The following RANGAP1 variants were observed in gnomAD, a reference collection of about 807,000 sequenced individuals.
RANGAP1 encodes Ran GTPase activating protein 1, also known as ran GTPase-activating protein 1.
RANGAP1 carries 38 observed loss-of-function variants against 63.5 expected under a neutral mutation model. The ratio of observed to expected loss-of-function variants is 0.60; its 90% confidence interval spans 0.46 to 0.78. The LOEUF is 0.78. RANGAP1 is among the 30% of genes least tolerant of loss of function. RANGAP1 has a pLI of 0.00. For missense variants in RANGAP1, 630 were observed against 740.3 expected, an observed-to-expected ratio of 0.85 and a Z score of 1.73; for synonymous variants, 329 against 310.5, an observed-to-expected ratio of 1.06 and a Z score of -0.63.
chr22:41,260,105 A>C lies in RANGAP1; in HGVS notation c.615+1341T>G, dbSNP rs777640042. 1.0e-3 allele frequency among the ~76,000 whole-genome samples: 156 copies of C among 151,974 alleles called. 3 individuals are homozygous for C. Among genetic ancestry groups the C allele is most frequent in the Non-Finnish European group, 3.4e-4 (23 of 68,002 alleles). On this transcript the variant is annotated intron_variant, in intron 6 of 15. Transcript: ENST00000356244. ...TAATGCTGTGAGGTTTATTGTCTACATTTATAATCAAAGGTCACACTACAT... is the reference window on the plus strand; with the variant it reads ...TAATGCTGTGAGGTTTATTGTCTACCTTTATAATCAAAGGTCACACTACAT...
upstream of RANGAP1, among the ~76,000 whole-genome samples, chr22:41,289,135 G>A (rs971791706): frequency 1.3e-5 from 2 of 151,390 alleles, no homozygotes; most frequent in Admixed American, 6.6e-5. Flanking sequence ...TGGCCAGGAT[G>A]GTCTCAAACT....
chr22:41,286,564 C>T (rs1013943106), upstream of RANGAP1, among the ~76,000 whole-genome samples: 1 of 152,254 alleles, frequency 6.6e-6, no homozygotes, highest in Non-Finnish European at 1.5e-5. Context: ...ACAGGTACTG[C>T]TGGCTGCTGG....
chr22:41,254,036 A>G (rs185581417), intron 11 of RANGAP1, among the ~76,000 whole-genome samples: 7 of 149,698 alleles, frequency 4.7e-5, no homozygotes, highest in African/African-American at 1.7e-4. Context: ...TGAACCCGGG[A>G]GGCAGAGGTT....
rs1223761591 is a variant in RANGAP1 at position 41,245,410 on chromosome 22, G to A, written c.*1193C>T. On this transcript the variant is annotated 3_prime_UTR_variant, in exon 16 of 16. Transcript: ENST00000356244. ...GCTGCAGCCCAAAGGCAGGGTGCTG[G>A]GTGAGGTGTGGCCAGGCAGGAAAAT... Among the ~76,000 whole-genome samples the A allele has an allele frequency of 6.6e-6, 1 of 152,210 alleles. No homozygotes were observed. Among genetic ancestry groups the A allele is most frequent in the Admixed American group, 6.5e-5 (1 of 15,284 alleles).
At chr22:41,268,178 A>G (rs1207911490) in intron 3 of RANGAP1, 22 bp from the exon 4 acceptor site, 1 of 1,525,518 alleles carries the variant, frequency 6.6e-7, no homozygotes, top group African/African-American at 1.4e-5. Flanking sequence ...AGAAGAGAAG[A>G]GTTAGCGGGA....
At chr22:41,267,990 C>T in intron 4 of RANGAP1, 107 bp downstream of exon 4, 3 of 1,216,482 alleles carry the variant, frequency 2.5e-6, no homozygotes, top group Non-Finnish European at 2.3e-6. Flanking sequence ...GCTCAGTCAC[C>T]CACAGGGCTA....
In RANGAP1 at chr22:41,268,166, A is replaced by G; in HGVS notation, c.241-10T>C. 6.5e-7 allele frequency: 1 copy of G among 1,544,770 alleles called. No homozygotes were observed. Among genetic ancestry groups the G allele is most frequent in the Non-Finnish European group, 8.8e-7 (1 of 1,140,108 alleles). On this transcript the variant is annotated splice_polypyrimidine_tract_variant and intron_variant, in intron 3 of 15. Coordinates refer to ENST00000356244, the MANE Select transcript of RANGAP1 (RefSeq NM_002883.4). ...CACTCCAGTGGCAGCGCTGCAACGG[A>G]AAGAAGAGAAGAGTTAGCGGGAGAG...
chr22:41,286,582 G>C (rs527681282), upstream of RANGAP1, among the ~76,000 whole-genome samples: 5 of 152,220 alleles, frequency 3.3e-5, no homozygotes, highest in African/African-American at 1.2e-4. Flanking sequence ...TGGGTCTCTT[G>C]GGCAAGACAC....
the RANGAP1 span, among the ~76,000 whole-genome samples, chr22:41,301,088 A>AT: frequency 1.2e-4 from 19 of 152,044 alleles, no homozygotes; most frequent in East Asian, 2.1e-3. Flanking sequence ...GTCATTCAAT[A>AT]TTTTTTTTAA....
rs1484561847 is a variant in RANGAP1, at chr22:41,258,020, G to T, written c.702C>A (p.Val234=). The change falls in exon 7 of 16, where the codon GTC becomes GTA. Residue 234 remains valine, a synonymous_variant. Transcript: ENST00000356244. The part of the protein sequence containing the change: ...GITALAQAFA[V]NPLLRVINLN... ...GGTTGATGACCCGCAGCAGGGGGTT[G>T]ACAGCGAAAGCCTGGGCCAGGGCAG... is the stretch of plus-strand genomic sequence containing the variant. The T allele has an allele frequency of 1.9e-5, 30 of 1,613,184 alleles. No individual in the cohort carries two copies. Among genetic ancestry groups the T allele is most frequent in the Non-Finnish European group, 2.3e-5 (27 of 1,179,580 alleles).
At chr22:41,264,597 G>T in intron 5 of RANGAP1, 67 bp downstream of exon 5, 2 of 1,526,770 alleles carry the variant, frequency 1.3e-6, no homozygotes, top group Non-Finnish European at 1.8e-6. Flanking sequence ...CCAAGGGCCA[G>T]GGCACATATG....
chr22:41,272,189 A>G (rs554389112), intron 3 of RANGAP1, among the ~76,000 whole-genome samples: 2 of 152,120 alleles, frequency 1.3e-5, no homozygotes, highest in South Asian at 4.2e-4. Context: ...TGTAGCCTTC[A>G]GGCCCATGGC....
At chr22:41,295,442 G>T in the RANGAP1 span, among the ~76,000 whole-genome samples, 1 of 152,130 alleles carries the variant, frequency 6.6e-6, no homozygotes, top group East Asian at 1.9e-4. Flanking sequence ...ATCCACTCAG[G>T]GCTGAATGGA....
At chr22:41,296,977 G>A in the RANGAP1 span, among the ~76,000 whole-genome samples, 213 of 152,312 alleles carry the variant, frequency 1.4e-3, no homozygotes, top group African/African-American at 3.8e-3. Flanking sequence ...TTGGGAGGCC[G>A]AGGCGGACAG....
chr22:41,253,834 C>T (rs1482264857), intron 11 of RANGAP1, among the ~76,000 whole-genome samples: 1 of 152,098 alleles, frequency 6.6e-6, no homozygotes, highest in Admixed American at 6.5e-5. Context: ...TGGCTGGGCC[C>T]GGTGGCTCAA....
intron 2 of RANGAP1, among the ~76,000 whole-genome samples, chr22:41,279,124 CA>C (rs2145838505): frequency 6.6e-6 from 1 of 152,090 alleles, no homozygotes; most frequent in East Asian, 1.9e-4. Flanking sequence ...GCCTGGGTAA[CA>C]GAGCGAGACT....
intron 3 of RANGAP1, among the ~76,000 whole-genome samples, chr22:41,269,665 C>T (rs1173857225): frequency 6.6e-6 from 1 of 151,240 alleles, no homozygotes; most frequent in African/African-American, 2.4e-5. Context: ...TCGCTGAAAA[C>T]CGGGAGGCAG....
chr22:41,254,170 C>A, intron 11 of RANGAP1, 138 bp downstream of exon 11: 1 of 861,026 alleles, frequency 1.2e-6, no homozygotes, highest in Non-Finnish European at 1.8e-6. Flanking sequence ...CCTTTTTTTA[C>A]TCAATATCAT....
At chr22:41,248,825 C>T (rs1323082795) in intron 15 of RANGAP1, among the ~76,000 whole-genome samples, 1 of 152,244 alleles carries the variant, frequency 6.6e-6, no homozygotes, top group Non-Finnish European at 1.5e-5. Context: ...TCACACATTG[C>T]TGGGCATTTG....
Sources: gnomAD v4.1 joint callset for allele counts (sites outside exome capture counted in the v4.1 genomes callset) on GRCh38, gnomAD v4.1.1 for gene constraint, MANE v1.5 for transcripts, NCBI Gene and HGNC (gene_info 2026-07-23, HGNC 2026-07-21) for gene names.